The following ZNF248 variants were observed in gnomAD, a reference collection of about 807,000 sequenced individuals.
ZNF248 encodes the protein zinc finger protein 248, also known as KRAB protein domain.
Under a neutral mutation model 44.3 loss-of-function variants are expected in ZNF248, and 20 were observed. The ratio of observed to expected loss-of-function variants is 0.45; its 90% CI spans 0.32 to 0.66. The LOEUF is 0.66. ZNF248 is among the 30% of genes least tolerant of loss of function. The pLI is 0.04. For synonymous variants in ZNF248, 224 were observed against 229.0 expected (o/e 0.98, Z 0.20); for missense variants, 654 against 677.0 (o/e 0.97, Z 0.38).
At chr10:37,838,345 TC>T (rs2134128476) in intron 3 of ZNF248, among the ~76,000 whole-genome samples, 1 of 152,332 alleles carries the variant, frequency 6.6e-6, no homozygotes, top group South Asian at 2.1e-4. Flanking sequence ...TGGTCCCTGT[TC>T]CTAGAGTGCT....
chr10:37,787,528 T>C (rs1309080424), intron 6 of ZNF248, among the ~76,000 whole-genome samples: 1 of 152,008 alleles, frequency 6.6e-6, no homozygotes, highest in Admixed American at 6.6e-5. Context: ...TATTTATTTA[T>C]TTTTGGTCAA....
At chr10:37,823,753 T>C (rs1220230721) in intron 6 of ZNF248, among the ~76,000 whole-genome samples, 1 of 152,028 alleles carries the variant, frequency 6.6e-6, no homozygotes, top group East Asian at 1.9e-4. Flanking sequence ...TTTGTATTTT[T>C]AGTAGAGAGA....
intron 5 of ZNF248, among the ~76,000 whole-genome samples, chr10:37,835,725 T>C (rs2057025212): frequency 6.6e-6 from 1 of 152,082 alleles, no homozygotes; most frequent in South Asian, 2.1e-4. Flanking sequence ...ACCACGACCA[T>C]ATGTGGCCTG....
At chr10:37,844,614 G>T (rs1208650) in intron 3 of ZNF248, among the ~76,000 whole-genome samples, 9,119 of 152,226 alleles carry the variant, frequency 0.06, 354 homozygotes, top group Middle Eastern at 0.095. Flanking sequence ...AAGGCAGCTG[G>T]ATAGGAGCAG....
rs1316474658 is a variant in ZNF248, at chr10:37,819,460, G to GT, written c.330+13564dup. 15 of 1,569,768 alleles carry GT rather than the reference G, an allele frequency of 9.6e-6. No homozygotes were observed. In the East Asian group the frequency reaches 3.4e-4, roughly 35 times the overall value. On this transcript the variant is annotated intron_variant, in intron 6 of 6. Coordinates refer to the ZNF248 transcript ENST00000615949. ...TTAACTGGTGAATTTTCACAGCTAC[G>GT]TATCTTTGCTCTATTAGTTCAAATG...
the ZNF248 span, among the ~76,000 whole-genome samples, chr10:37,768,858 AATAG>A: frequency 8.5e-5 from 13 of 152,200 alleles, no homozygotes; most frequent in African/African-American, 2.9e-4. Context: ...GGATCAACAA[AATAG>A]ATAGACTGCT....
intron 6 of ZNF248, among the ~76,000 whole-genome samples, chr10:37,815,549 C>A (rs1589378828): frequency 6.6e-6 from 1 of 151,882 alleles, no homozygotes; most frequent in Non-Finnish European, 1.5e-5. Flanking sequence ...TGACTTTGTC[C>A]ACATTATCTT....
the ZNF248 span, among the ~76,000 whole-genome samples, chr10:37,764,910 A>T: frequency 6.6e-6 from 1 of 152,202 alleles, no homozygotes; most frequent in African/African-American, 2.4e-5. Flanking sequence ...TATATGCATG[A>T]ATCTGCACTA....
intron 6 of ZNF248, among the ~76,000 whole-genome samples, chr10:37,777,804 C>T (rs1178898475): frequency 2.0e-5 from 3 of 151,144 alleles, no homozygotes; most frequent in East Asian, 3.9e-4. Flanking sequence ...TTTGTTCTTG[C>T]GATAATTTAC....
intron 6 of ZNF248, among the ~76,000 whole-genome samples, chr10:37,804,569 G>A (rs1042533027): frequency 6.6e-6 from 1 of 152,098 alleles, no homozygotes; most frequent in African/African-American, 2.4e-5. Flanking sequence ...GAATAGTTAG[G>A]ACTACAGGCA....
intron 5 of ZNF248, among the ~76,000 whole-genome samples, chr10:37,834,867 A>C (rs562413774): frequency 5.9e-5 from 9 of 152,342 alleles, no homozygotes; most frequent in African/African-American, 1.9e-4. Flanking sequence ...AAGATATAGA[A>C]TAGGACGGGA....
At chr10:37,856,262 A>G (rs759578552) in intron 3 of ZNF248, 34 bp downstream of exon 3, 1 of 1,606,868 alleles carries the variant, frequency 6.2e-7, no homozygotes, top group Admixed American at 1.7e-5. Flanking sequence ...ATCCATTTTT[A>G]AACAAACTGG....
downstream of ZNF248, among the ~76,000 whole-genome samples, chr10:37,771,538 A>T (rs1236720847): frequency 6.7e-6 from 1 of 148,934 alleles, no homozygotes; most frequent in Admixed American, 6.7e-5. Flanking sequence ...AAATCAAAAC[A>T]CCGCATGTTC....
intron 6 of ZNF248, among the ~76,000 whole-genome samples, chr10:37,802,626 C>T (rs1469582596): frequency 1.3e-5 from 2 of 152,070 alleles, no homozygotes; most frequent in Non-Finnish European, 2.9e-5. Context: ...GAAAAAAATG[C>T]CCTGGCTGTA....
At chr10:37,804,559 G>A (rs922952977) in intron 6 of ZNF248, among the ~76,000 whole-genome samples, 9 of 151,996 alleles carry the variant, frequency 5.9e-5, no homozygotes, top group Admixed American at 3.3e-4. Flanking sequence ...TCAGCCTCCC[G>A]AATAGTTAGG....
chr10:37,762,027 G>C, the ZNF248 span, among the ~76,000 whole-genome samples: 1 of 152,154 alleles, frequency 6.6e-6, no homozygotes, highest in African/African-American at 2.4e-5. Flanking sequence ...TATGAAATCT[G>C]TTAATCATTA....
chr10:37,780,463 A>G lies in ZNF248; in HGVS notation c.331-3888T>C, dbSNP rs528256359. ...GGTGCTTGGAAAACTGGCTAGCCAT[A>G]TGTAGAAAGCTGAAACTGGATCCCT... On this transcript the variant is annotated intron_variant, in intron 6 of 6. Coordinates refer to the ZNF248 transcript ENST00000615949. Among the ~76,000 whole-genome samples, 3 of 149,544 alleles carry G rather than the reference A, an allele frequency of 2.0e-5. No homozygotes were observed. In the South Asian group the frequency reaches 6.9e-4, roughly 34 times the overall value.
chr10:37,847,390 T>C (rs1344918099), intron 3 of ZNF248, among the ~76,000 whole-genome samples: 1 of 152,060 alleles, frequency 6.6e-6, no homozygotes, highest in Admixed American at 6.6e-5. Context: ...ACCATCTCAT[T>C]TTGGGAAACT....
chr10:37,847,627 G>C (rs898180962), intron 3 of ZNF248, among the ~76,000 whole-genome samples: 2 of 152,158 alleles, frequency 1.3e-5, no homozygotes, highest in Admixed American at 1.3e-4. Flanking sequence ...GTTAACTGCT[G>C]AATCTAGGTA....
Sources: gnomAD v4.1 joint callset for allele counts (sites outside exome capture counted in the v4.1 genomes callset) on GRCh38, gnomAD v4.1.1 for gene constraint, MANE v1.5 for transcripts, NCBI Gene and HGNC (gene_info 2026-07-23, HGNC 2026-07-21) for gene names.